ZNF385D: variants seen among roughly 807,000 people sequenced by gnomAD.
ZNF385D encodes zinc finger protein 385D.
Under a neutral mutation model 35.8 loss-of-function variants are expected in ZNF385D, and 15 were observed. The ratio of observed to expected loss-of-function variants is 0.42; its 90% CI spans 0.28 to 0.64. ZNF385D has a LOEUF of 0.64. Ranked by LOEUF, ZNF385D falls within the 30% of genes least tolerant of loss-of-function variation. The pLI, the probability that ZNF385D is intolerant of heterozygous loss-of-function variation, is 0.23. For synonymous variants in ZNF385D, 212 were observed against 186.8 expected (o/e 1.13, Z -1.10); for missense variants, 474 against 494.6 (o/e 0.96, Z 0.39).
intron 2 of ZNF385D, among the ~76,000 whole-genome samples, chr3:21,627,026 C>T (rs1413896683): frequency 6.7e-6 from 1 of 150,150 alleles, no homozygotes; most frequent in South Asian, 2.1e-4. Flanking sequence ...AAATATAAAA[C>T]TTTTTTTTGG....
chr3:21,887,962 C>T (rs1002367880), intron 3 of ZNF385D, among the ~76,000 whole-genome samples: 10 of 151,984 alleles, frequency 6.6e-5, no homozygotes, highest in African/African-American at 2.4e-4. Flanking sequence ...GTAAAATAAC[C>T]TAACTACTTA....
intron 3 of ZNF385D, among the ~76,000 whole-genome samples, chr3:22,006,616 A>G (rs1576136591): frequency 6.6e-6 from 1 of 152,082 alleles, no homozygotes; most frequent in African/African-American, 2.4e-5. Flanking sequence ...CAGAAAGAAG[A>G]GAGTTAAGTA....
intron 3 of ZNF385D, among the ~76,000 whole-genome samples, chr3:22,165,523 T>G (rs1706254882): frequency 6.6e-6 from 1 of 152,214 alleles, no homozygotes; most frequent in Non-Finnish European, 1.5e-5. Context: ...TATTCCCACT[T>G]ACAAATACCT....
At chr3:21,725,753 C>A (rs192499160) in intron 1 of ZNF385D, among the ~76,000 whole-genome samples, 2,924 of 152,258 alleles carry the variant, frequency 0.019, 84 homozygotes, top group African/African-American at 0.066. Flanking sequence ...ACCAGAGGTA[C>A]AAACAGTAGC....
intron 4 of ZNF385D, among the ~76,000 whole-genome samples, chr3:21,500,582 G>A (rs775451029): frequency 2.0e-5 from 3 of 152,160 alleles, no homozygotes; most frequent in East Asian, 1.9e-4. Flanking sequence ...TCTTTTGTGC[G>A]TTAGCATGTG....
At chr3:21,525,344 C>A (rs771229472) in intron 3 of ZNF385D, among the ~76,000 whole-genome samples, 1 of 151,640 alleles carries the variant, frequency 6.6e-6, no homozygotes, top group Non-Finnish European at 1.5e-5. Flanking sequence ...TTTCCAATGG[C>A]ATTTGCCGTT....
At chr3:21,560,571 T>C (rs1478309683) in intron 3 of ZNF385D, among the ~76,000 whole-genome samples, 4 of 152,112 alleles carry the variant, frequency 2.6e-5, no homozygotes, top group African/African-American at 9.7e-5. Flanking sequence ...CTGTATGAGG[T>C]GCCGGTCGGC....
chr3:22,225,427 C>T (rs746495818), intron 2 of ZNF385D, among the ~76,000 whole-genome samples: 5 of 152,128 alleles, frequency 3.3e-5, no homozygotes, highest in Non-Finnish European at 7.4e-5. Flanking sequence ...TCAGAAGTGC[C>T]AGAGAATTAA....
chr3:22,256,957 G>A lies in ZNF385D; in HGVS notation c.107-87922C>T, dbSNP rs574160581. 2.5e-4 allele frequency among the ~76,000 whole-genome samples: 38 copies of A among 151,794 alleles called. No homozygotes were observed. The South Asian group carries it at 7.7e-3, about 31-fold the overall frequency. Reference sequence around the variant, plus strand: ...AGAAAATTTTTTTCAGGTTAAGGAAGACTTAGATCAAAAGTTATCCAAAAC... The same window carrying A: ...AGAAAATTTTTTTCAGGTTAAGGAAAACTTAGATCAAAAGTTATCCAAAAC... On this transcript the variant is annotated intron_variant, in intron 2 of 5. Coordinates refer to the ZNF385D transcript ENST00000494108.
At chr3:22,332,727 T>C (rs1559525384) in intron 2 of ZNF385D, among the ~76,000 whole-genome samples, 2 of 152,138 alleles carry the variant, frequency 1.3e-5, no homozygotes, top group Admixed American at 6.5e-5. Context: ...CAAGTGGCTA[T>C]ACAATGAAAA....
chr3:21,891,512 T>C (rs1158099586), intron 3 of ZNF385D, among the ~76,000 whole-genome samples: 1 of 152,136 alleles, frequency 6.6e-6, no homozygotes, highest in Non-Finnish European at 1.5e-5. Context: ...TACTATCTTT[T>C]TTCCTCAGAG....
intron 3 of ZNF385D, among the ~76,000 whole-genome samples, chr3:21,776,842 T>G (rs1362208586): frequency 6.6e-6 from 1 of 151,976 alleles, no homozygotes; most frequent in Non-Finnish European, 1.5e-5. Flanking sequence ...GCTATTCCTG[T>G]GGGCAGAAAC....
intron 3 of ZNF385D, among the ~76,000 whole-genome samples, chr3:21,911,689 C>T (rs919797475): frequency 6.6e-6 from 1 of 151,724 alleles, no homozygotes; most frequent in African/African-American, 2.4e-5. Context: ...CATTAAAAGC[C>T]ATTAAATAAT....
chr3:22,028,030 G>C (rs1435321229), intron 3 of ZNF385D, among the ~76,000 whole-genome samples: 1 of 152,164 alleles, frequency 6.6e-6, no homozygotes, highest in Middle Eastern at 3.2e-3. Context: ...TGCTCACTCT[G>C]CATGTAAGGA....
intron 3 of ZNF385D, chr3:21,511,481 A>G: frequency 2.8e-6 from 1 of 352,794 alleles, no homozygotes; most frequent in South Asian, 2.2e-5. Flanking sequence ...TCTACAAGGA[A>G]AGGTTCACAC....
intron 1 of ZNF385D, among the ~76,000 whole-genome samples, chr3:21,689,883 T>C (rs1228143423): frequency 4.3e-5 from 1 of 23,070 alleles, no homozygotes; most frequent in Non-Finnish European, 7.8e-5. Flanking sequence ...GGGCGAAAAA[T>C]TGCAAAAAAA....
chr3:21,524,391 G>A (rs1297184614), intron 3 of ZNF385D, among the ~76,000 whole-genome samples: 1 of 152,158 alleles, frequency 6.6e-6, no homozygotes, highest in Non-Finnish European at 1.5e-5. Context: ...AGTGAACTAA[G>A]ACTCCAACTG....
At chr3:22,282,917 T>G (rs971420576) in intron 2 of ZNF385D, among the ~76,000 whole-genome samples, 1 of 151,990 alleles carries the variant, frequency 6.6e-6, no homozygotes, top group Non-Finnish European at 1.5e-5. Flanking sequence ...AATTCACCAA[T>G]CAAGTATCTG....
At chr3:21,865,368 A>C (rs772067898) in intron 3 of ZNF385D, among the ~76,000 whole-genome samples, 1 of 150,828 alleles carries the variant, frequency 6.6e-6, no homozygotes, top group African/African-American at 2.4e-5. Flanking sequence ...CTTTTGCATC[A>C]TTCGTGAAAG....
Sources: allele counts gnomAD v4.1 joint callset (sites outside exome capture counted in the v4.1 genomes callset), GRCh38; gene constraint gnomAD v4.1.1; transcripts MANE v1.5; gene names NCBI Gene and HGNC (gene_info 2026-07-23, HGNC 2026-07-21).